The following RNF180 variants were observed in gnomAD, a reference collection of about 807,000 sequenced individuals.
RNF180 encodes the protein E3 ubiquitin-protein ligase RNF180.
RNF180 carries 38 observed loss-of-function variants against 59.2 expected under a neutral mutation model. That is an observed-to-expected ratio of 0.64 (90% confidence interval 0.50 to 0.84). The LOEUF (loss-of-function observed/expected upper bound fraction) is 0.84. Ranked by LOEUF, RNF180 falls within the 40% of genes least tolerant of loss-of-function variation. RNF180 has a pLI of 0.00. For missense variants in RNF180, 705 were observed against 700.9 expected, an observed-to-expected ratio of 1.01 and a Z score of -0.07; for synonymous variants, 262 against 240.3, an observed-to-expected ratio of 1.09 and a Z score of -0.84.
Position 64,214,056 on chromosome 5 carries a change from A to G in RNF180, c.730A>G (p.Thr244Ala). 1 of 1,614,068 alleles carries G rather than the reference A, an allele frequency of 6.2e-7. No individual in the cohort carries two copies. The highest frequency in any genetic ancestry group is 2.2e-5 in the East Asian group (1 of 44,886). ...NISEKLTLLP[T>A]LYEIHSKTTA... Reference sequence around the variant, plus strand: ...CAGTGAGAAACTGACTTTATTACCCACTTTATATGAAATACATAGTAAGAC... The same window carrying G: ...CAGTGAGAAACTGACTTTATTACCCGCTTTATATGAAATACATAGTAAGAC... The change falls in exon 4 of 8, where the codon ACT (threonine) becomes GCT (alanine). Residue 244 changes from threonine to alanine, a missense_variant. Coordinates refer to ENST00000389100, the MANE Select transcript of RNF180 (RefSeq NM_001113561.2).
chr5:64,362,471 C>A (rs1746295859), intron 7 of RNF180, among the ~76,000 whole-genome samples: 1 of 151,854 alleles, frequency 6.6e-6, no homozygotes, highest in South Asian at 2.1e-4. Flanking sequence ...ACCATATTTT[C>A]TTTATCCAGT....
intron 5 of RNF180, among the ~76,000 whole-genome samples, chr5:64,230,660 G>T (rs905535247): frequency 2.2e-4 from 33 of 152,184 alleles, no homozygotes; most frequent in African/African-American, 7.0e-4. Flanking sequence ...CCATTTACAG[G>T]TTCCAGAGAT....
intron 5 of RNF180, among the ~76,000 whole-genome samples, chr5:64,219,295 G>A (rs1033446056): frequency 2.0e-5 from 3 of 151,836 alleles, no homozygotes; most frequent in Admixed American, 6.6e-5. Context: ...TTGCATTCCC[G>A]CCATAAACTA....
intron 7 of RNF180, among the ~76,000 whole-genome samples, chr5:64,361,283 GAC>G (rs113071781): frequency 0.052 from 7,915 of 151,204 alleles, 660 homozygotes; most frequent in African/African-American, 0.18. Context: ...CAGTATTAAA[GAC>G]ATATGGAATT....
chr5:64,270,347 A>C (rs944438777), intron 5 of RNF180, among the ~76,000 whole-genome samples: 11 of 152,182 alleles, frequency 7.2e-5, no homozygotes, highest in Non-Finnish European at 1.6e-4. Flanking sequence ...GAAAAGGGAA[A>C]TTAATTGAGT....
intron 7 of RNF180, among the ~76,000 whole-genome samples, chr5:64,366,719 C>A (rs543514648): frequency 2.0e-4 from 31 of 151,582 alleles, no homozygotes; most frequent in African/African-American, 7.5e-4. Context: ...ATGAACAAAG[C>A]CTGTGTGACA....
chr5:64,193,286 G>A (rs1169848334), intron 1 of RNF180, among the ~76,000 whole-genome samples: 2 of 151,972 alleles, frequency 1.3e-5, no homozygotes, highest in African/African-American at 2.4e-5. Flanking sequence ...CATTTTAAGT[G>A]TTCTTAACCA....
chr5:64,207,504 G>A (rs949963925), intron 2 of RNF180, among the ~76,000 whole-genome samples: 1 of 152,150 alleles, frequency 6.6e-6, no homozygotes, highest in Non-Finnish European at 1.5e-5. Context: ...AAAGTTGGGT[G>A]TTGTTCAAAT....
intron 5 of RNF180, among the ~76,000 whole-genome samples, chr5:64,278,485 T>G (rs1489459892): frequency 6.6e-6 from 1 of 152,128 alleles, no homozygotes; most frequent in Non-Finnish European, 1.5e-5. Context: ...GACAAGAGAT[T>G]ATGAGAACTG....
intron 5 of RNF180, among the ~76,000 whole-genome samples, chr5:64,245,075 T>C (rs974293706): frequency 3.3e-5 from 5 of 152,270 alleles, no homozygotes; most frequent in South Asian, 4.1e-4. Context: ...GCCTTACAAG[T>C]GCTCCTGAAG....
At chr5:64,326,283 T>C (rs538263368) in intron 6 of RNF180, among the ~76,000 whole-genome samples, 34 of 152,238 alleles carry the variant, frequency 2.2e-4, no homozygotes, top group African/African-American at 7.9e-4. Flanking sequence ...TACTCAATTA[T>C]GAGTACCAAA....
At chr5:64,354,010 C>A (rs1299104184) in intron 7 of RNF180, among the ~76,000 whole-genome samples, 2 of 151,080 alleles carry the variant, frequency 1.3e-5, no homozygotes, top group Non-Finnish European at 3.0e-5. Flanking sequence ...CAGTAAATGC[C>A]TCCATTAAAA....
chr5:64,241,091 T>C (rs1742781724), intron 5 of RNF180, among the ~76,000 whole-genome samples: 1 of 152,236 alleles, frequency 6.6e-6, no homozygotes, highest in South Asian at 2.1e-4. Context: ...CTCCCAGTTG[T>C]ATTTTTAACA....
chr5:64,369,551 A>T (rs1431040122), intron 7 of RNF180, 64 bp from the exon 8 acceptor site: 1 of 1,011,824 alleles, frequency 9.9e-7, no homozygotes, highest in Non-Finnish European at 1.4e-6. Context: ...GTACTTGTGT[A>T]CAGCTTCTTT....
At chr5:64,221,268 C>T (rs1226770777) in intron 5 of RNF180, among the ~76,000 whole-genome samples, 1 of 151,956 alleles carries the variant, frequency 6.6e-6, no homozygotes, top group African/African-American at 2.4e-5. Flanking sequence ...AAATGAAAAG[C>T]TTCAGTAATG....
intron 1 of RNF180, among the ~76,000 whole-genome samples, chr5:64,192,903 G>GTATATATA (rs70983610): frequency 0.029 from 2,745 of 93,368 alleles, 87 homozygotes; most frequent in East Asian, 0.041. Flanking sequence ...AGTGTGGCAT[G>GTATATATA]TATATATATA....
chr5:64,219,373 T>TC (rs968534219), intron 5 of RNF180, among the ~76,000 whole-genome samples: 1 of 152,106 alleles, frequency 6.6e-6, no homozygotes, highest in Non-Finnish European at 1.5e-5. Context: ...TGAGGATTTT[T>TC]TATGCCTCCG....
At chr5:64,189,742 C>T (rs1250894833) in intron 1 of RNF180, among the ~76,000 whole-genome samples, 1 of 152,092 alleles carries the variant, frequency 6.6e-6, no homozygotes, top group South Asian at 2.1e-4. Flanking sequence ...TACTGGAAAG[C>T]ATGTTTTGGA....
At chr5:64,276,093 T>G (rs1243711209) in intron 5 of RNF180, among the ~76,000 whole-genome samples, 3 of 152,120 alleles carry the variant, frequency 2.0e-5, no homozygotes, top group African/African-American at 4.8e-5. Context: ...TACTATGTGT[T>G]GAGCATAAGG....
Sources: gnomAD v4.1 joint callset for allele counts (sites outside exome capture counted in the v4.1 genomes callset) on GRCh38, gnomAD v4.1.1 for gene constraint, MANE v1.5 for transcripts, NCBI Gene and HGNC (gene_info 2026-07-23, HGNC 2026-07-21) for gene names.